The following SPINK8 variants were observed in gnomAD, a reference collection of about 807,000 sequenced individuals.
SPINK8 encodes the protein serine peptidase inhibitor Kazal type 8 (putative), also known as serine protease inhibitor Kazal-type 8.
Under a neutral mutation model 14.4 loss-of-function variants are expected in SPINK8, and 12 were observed. That is an observed-to-expected ratio of 0.83 (90% CI 0.53 to 1.35). SPINK8 has a LOEUF of 1.35. Among genes scored for constraint, SPINK8 ranks in the 40% most tolerant of loss-of-function variants. The pLI, the probability that SPINK8 is intolerant of heterozygous loss-of-function variation, is 0.00. For synonymous variants in SPINK8, 32 were observed against 37.6 expected (o/e 0.85, Z 0.55); for missense variants, 103 against 117.0 (o/e 0.88, Z 0.55).
chr3:48,316,374 A>G (rs546555331), intron 6 of SPINK8: 2 of 156,050 alleles, frequency 1.3e-5, no homozygotes, highest in South Asian at 4.1e-4. Context: ...TGATCCTCAT[A>G]CTGCTTCTAG....
chr3:48,320,828 T>C (rs1375646826), intron 5 of SPINK8, among the ~76,000 whole-genome samples, 197 bp downstream of exon 5: 1 of 152,188 alleles, frequency 6.6e-6, no homozygotes, highest in Non-Finnish European at 1.5e-5. Context: ...TGTAAACTGA[T>C]TGGGAGAACC....
intron 6 of SPINK8, among the ~76,000 whole-genome samples, chr3:48,318,496 G>A (rs2036025035): frequency 6.6e-6 from 1 of 152,220 alleles, no homozygotes. Context: ...TCTCTCAGAT[G>A]TCTCCTGGTT....
intron 6 of SPINK8, among the ~76,000 whole-genome samples, chr3:48,312,262 A>C (rs2035932401): frequency 2.0e-5 from 3 of 152,244 alleles, no homozygotes; most frequent in African/African-American, 7.2e-5. Context: ...GATTTTCAAC[A>C]AGGGTACCAA....
At chr3:48,322,269 C>T (rs1030977897) in intron 4 of SPINK8, among the ~76,000 whole-genome samples, 8 of 152,040 alleles carry the variant, frequency 5.3e-5, no homozygotes, top group African/African-American at 9.7e-5. Context: ...TTATCATGCC[C>T]CTCTTCCAAC....
At chr3:48,325,915 C>CT (rs71074233) in intron 4 of SPINK8, among the ~76,000 whole-genome samples, 13,619 of 141,654 alleles carry the variant, frequency 0.096, 826 homozygotes, top group African/African-American at 0.17. Flanking sequence ...CTTTTCTTTT[C>CT]TTTTTTTTTT....
chr3:48,328,165 G>T (rs2044765148), intron 4 of SPINK8, 110 bp downstream of exon 4: 1 of 792,500 alleles, frequency 1.3e-6, no homozygotes, highest in Admixed American at 3.0e-5. Flanking sequence ...TGTAACATGA[G>T]AAATTAGGAT....
At chr3:48,315,719 T>TAAAAAAAAAA (rs2035979447) in intron 6 of SPINK8, among the ~76,000 whole-genome samples, 2 of 17,548 alleles carry the variant, frequency 1.1e-4, no homozygotes, top group Non-Finnish European at 2.0e-4. Flanking sequence ...AGACTCCATC[T>TAAAAAAAAAA]CAAAAAAAAA....
chr3:48,306,949 C>A lies in SPINK8; in HGVS notation c.*43G>T. 6.2e-7 allele frequency: 1 copy of A among 1,607,638 alleles called. No individual in the cohort carries two copies. The highest frequency in any genetic ancestry group is 8.5e-7 in the Non-Finnish European group (1 of 1,175,840). Reference sequence around the variant, plus strand: ...GAGGCAACCATTGTGTTTCACTTGGCAATCTGGAGATTCAGTAGGTTTTAT... The same window carrying A: ...GAGGCAACCATTGTGTTTCACTTGGAAATCTGGAGATTCAGTAGGTTTTAT... On this transcript the variant is annotated 3_prime_UTR_variant, in exon 8 of 8. Transcript: ENST00000434006.
At chr3:48,330,382 G>T (rs1452586367) in intron 2 of SPINK8, among the ~76,000 whole-genome samples, 1 of 152,114 alleles carries the variant, frequency 6.6e-6, no homozygotes, top group Non-Finnish European at 1.5e-5. Context: ...AGCTGGGCGT[G>T]GTGGTGCGTG....
At chr3:48,319,476 G>T (rs897422205) in intron 6 of SPINK8, 21 bp downstream of exon 6, 1 of 1,613,788 alleles carries the variant, frequency 6.2e-7, no homozygotes, top group East Asian at 2.2e-5. Context: ...GAAAGAAAGG[G>T]AGAACAAAAT....
chr3:48,330,683 CT>C (rs1374159515), intron 2 of SPINK8, among the ~76,000 whole-genome samples: 1 of 151,886 alleles, frequency 6.6e-6, no homozygotes, highest in Non-Finnish European at 1.5e-5. Context: ...ATTTCTTTAC[CT>C]CCTGCTTTTA....
In SPINK8 at chr3:48,322,525, G is replaced by A. The variant is rs149961705; in HGVS notation, c.68-1451C>T. Among the ~76,000 whole-genome samples the A allele has an allele frequency of 1.8e-3, 275 of 152,126 alleles. 1 individual carries two copies. The highest frequency in any genetic ancestry group is 3.1e-3 in the African/African-American group (128 of 41,528). ...TAATTTTTGTATTTTTAGTAGAGAC[G>A]GGGTTTCACCGTGTTGTCCAGGCTG... On this transcript the variant is annotated intron_variant, in intron 4 of 7. Transcript: ENST00000434006.
At chr3:48,319,721 A>C in intron 5 of SPINK8, 103 bp from the exon 6 acceptor site, 3 of 1,487,324 alleles carry the variant, frequency 2.0e-6, no homozygotes, top group Non-Finnish European at 2.7e-6. Flanking sequence ...GCACCAGATC[A>C]GGAGTTCAGA....
chr3:48,328,312 A>G lies in SPINK8; in HGVS notation c.30T>C (p.Leu10=), dbSNP rs1338451428. The G allele has an allele frequency of 1.2e-6, 2 of 1,611,728 alleles. No individual in the cohort carries two copies. Among genetic ancestry groups the G allele is most frequent in the East Asian group, 4.5e-5 (2 of 44,876 alleles). ...CCATCCACATGGAGGTAGCTAGAACAAGGATGGCGTCTGAGCAGATCCCCT... is the reference window on the plus strand; with the variant it reads ...CCATCCACATGGAGGTAGCTAGAACGAGGATGGCGTCTGAGCAGATCCCCT... MKGICSDAI[L]VLATSMWMAF... The change falls in exon 4 of 8, where the codon CTT becomes CTC. Residue 10 remains leucine, a synonymous_variant. Transcript: ENST00000434006.
intron 5 of SPINK8, 96 bp from the exon 6 acceptor site, chr3:48,319,714 C>T (rs1035601334): frequency 2.0e-6 from 3 of 1,524,622 alleles, no homozygotes; most frequent in African/African-American, 1.4e-5. Flanking sequence ...AATACGAGCA[C>T]CAGATCAGGA....
chr3:48,319,708 C>T (rs2036044831), intron 5 of SPINK8, 90 bp from the exon 6 acceptor site: 6 of 1,545,248 alleles, frequency 3.9e-6, no homozygotes, highest in Middle Eastern at 1.7e-4. Flanking sequence ...GGATGGAATA[C>T]GAGCACCAGA....
At chr3:48,331,291 G>C (rs2036256636) in intron 2 of SPINK8, among the ~76,000 whole-genome samples, 1 of 152,216 alleles carries the variant, frequency 6.6e-6, no homozygotes, top group African/African-American at 2.4e-5. Context: ...GCTACTGGTA[G>C]TATAGCGGCA....
chr3:48,331,933 C>T (rs1478162147), intron 2 of SPINK8, among the ~76,000 whole-genome samples: 1 of 152,212 alleles, frequency 6.6e-6, no homozygotes, highest in Admixed American at 6.5e-5. Context: ...CAGGGGCTGG[C>T]GCTTGCCCCA....
At chr3:48,318,419 G>A (rs965521953) in intron 6 of SPINK8, among the ~76,000 whole-genome samples, 2 of 152,226 alleles carry the variant, frequency 1.3e-5, no homozygotes, top group African/African-American at 2.4e-5. Context: ...GGGATTACAG[G>A]CGTGAGCCAC....
Sources: gnomAD v4.1 joint callset for allele counts (sites outside exome capture counted in the v4.1 genomes callset) on GRCh38, gnomAD v4.1.1 for gene constraint, MANE v1.5 for transcripts, NCBI Gene and HGNC (gene_info 2026-07-23, HGNC 2026-07-21) for gene names.